Variants in ORC5 observed in about 807,000 individuals in gnomAD.
The protein encoded by ORC5 is protein phosphatase 1, regulatory subunit 117.
Under a neutral mutation model 58.8 loss-of-function variants are expected in ORC5, and 39 were observed. The ratio of observed to expected loss-of-function variants is 0.66; its 90% CI spans 0.51 to 0.87. The LOEUF (loss-of-function observed/expected upper bound fraction) is 0.87, where lower values mean the gene tolerates loss of function less well. Among genes scored for constraint, ORC5 ranks in the 40% least tolerant of loss-of-function variants. ORC5 has a pLI of 0.00. For synonymous variants in ORC5, 218 were observed against 177.6 expected (o/e 1.23, Z -1.81); for missense variants, 493 against 506.3 (o/e 0.97, Z 0.25).
At position 104,207,989 on chromosome 7, in the gene ORC5, C is replaced by T; in HGVS notation, c.-85G>A. On this transcript the variant is annotated 5_prime_UTR_variant, in exon 1 of 14. Coordinates refer to ENST00000297431, the MANE Select transcript of ORC5 (RefSeq NM_002553.4). ...GGAGCCTCTCCCGAGTCTGGCGGCC[C>T]ACGCTCCCGCCGGAAACCGGACCCG... is the stretch of plus-strand genomic sequence containing the variant. The T allele has an allele frequency of 1.5e-6, 2 of 1,329,510 alleles. No homozygotes were observed. The highest frequency in any genetic ancestry group is 3.6e-5 in the Admixed American group (2 of 54,866). The allele number at this position is 1,329,510 out of a possible 1,614,324, so 82.4% of individuals were successfully genotyped here. A position where few individuals can be genotyped will look rare whatever the true frequency, so the allele number is the denominator to read the frequency against.
At chr7:104,127,239 T>C (rs778865979) in intron 13 of ORC5, among the ~76,000 whole-genome samples, 11 of 152,224 alleles carry the variant, frequency 7.2e-5, no homozygotes, top group Non-Finnish European at 1.2e-4. Flanking sequence ...TAATTAGAGA[T>C]TCAAAAGTAT....
At chr7:104,203,725 G>A (rs181836602) in intron 2 of ORC5, among the ~76,000 whole-genome samples, 82 of 152,262 alleles carry the variant, frequency 5.4e-4, no homozygotes, top group Admixed American at 4.6e-3. Flanking sequence ...TACAATGGGC[G>A]AATTACTTGA....
intron 12 of ORC5, among the ~76,000 whole-genome samples, chr7:104,154,694 G>GA (rs1051715026): frequency 1.3e-5 from 2 of 150,818 alleles, no homozygotes; most frequent in Non-Finnish European, 3.0e-5. Flanking sequence ...TCCAACCATG[G>GA]AAAAAAAATA....
At chr7:104,203,163 A>G (rs1401992235) in intron 2 of ORC5, among the ~76,000 whole-genome samples, 4 of 152,172 alleles carry the variant, frequency 2.6e-5, no homozygotes, top group African/African-American at 9.7e-5. Flanking sequence ...ATGGCTTGAA[A>G]GTAAGACAGC....
At chr7:104,188,185 CAT>C in intron 6 of ORC5, 64 bp downstream of exon 6, 1 of 1,098,436 alleles carries the variant, frequency 9.1e-7, no homozygotes, top group Non-Finnish European at 1.3e-6. Flanking sequence ...CATATATACA[CAT>C]ATATGTATAC....
At chr7:104,127,482 C>CAG (rs968223946) in intron 13 of ORC5, among the ~76,000 whole-genome samples, 4 of 152,052 alleles carry the variant, frequency 2.6e-5, no homozygotes, top group Non-Finnish European at 4.4e-5. Flanking sequence ...AATAAAATAG[C>CAG]AGAGAGAGAG....
At position 104,193,263 on chromosome 7, in the gene ORC5, C is replaced by T. The variant is rs558945655; in HGVS notation, c.553+1880G>A. On this transcript the variant is annotated intron_variant, in intron 5 of 13. Transcript: ENST00000297431. The stretch of plus-strand genomic sequence containing the variant: ...AGGTTTTATAATTAATATAGTATTA[C>T]ATGGTTTATAATAAATATAGAAGTA... Among the ~76,000 whole-genome samples the T allele has an allele frequency of 6.6e-4, 101 of 152,060 alleles. 1 individual carries two copies. In the South Asian group the frequency reaches 0.02, roughly 30 times the overall value.
chr7:104,189,698 G>T (rs1799630756), intron 5 of ORC5, among the ~76,000 whole-genome samples: 1 of 151,984 alleles, frequency 6.6e-6, no homozygotes, highest in Non-Finnish European at 1.5e-5. Context: ...AGCCCCACAG[G>T]GACAGAAGCT....
chr7:104,162,724 A>T (rs377588139), intron 11 of ORC5, among the ~76,000 whole-genome samples: 267 of 152,332 alleles, frequency 1.8e-3, no homozygotes, highest in African/African-American at 6.0e-3. Context: ...CAATTTTATC[A>T]AATATACTGT....
chr7:104,205,730 G>T (rs764202331), intron 1 of ORC5, among the ~76,000 whole-genome samples: 8 of 152,212 alleles, frequency 5.3e-5, no homozygotes, highest in Non-Finnish European at 1.0e-4. Context: ...CAAAAATTCT[G>T]TCTCAGCAGG....
chr7:104,207,943 C>G lies in ORC5; in HGVS notation c.-39G>C. On this transcript the variant is annotated 5_prime_UTR_variant, in exon 1 of 14. Transcript: ENST00000297431. Reference sequence around the variant, plus strand: ...ACCGCAGAGGCCAGTGCAGCCAGCCCACAGGACCCTTGCACAAGACGGAGC... The same window carrying G: ...ACCGCAGAGGCCAGTGCAGCCAGCCGACAGGACCCTTGCACAAGACGGAGC... 6.3e-7 allele frequency: 1 copy of G among 1,588,208 alleles called. No homozygotes were observed. Among genetic ancestry groups the G allele is most frequent in the Non-Finnish European group, 8.6e-7 (1 of 1,156,668 alleles).
chr7:104,147,577 T>C (rs1798777008), intron 12 of ORC5, among the ~76,000 whole-genome samples: 1 of 152,256 alleles, frequency 6.6e-6, no homozygotes, highest in South Asian at 2.1e-4. Flanking sequence ...TAATAGATGA[T>C]GAAAGAGACA....
rs865992341 is a variant in ORC5 at position 104,138,671 on chromosome 7, C to A, written c.1150-1778G>T. On this transcript the variant is annotated intron_variant, in intron 12 of 13. Coordinates refer to ENST00000297431, the MANE Select transcript of ORC5 (RefSeq NM_002553.4). The surrounding 1 kb of genome is among the most constrained non-coding windows in gnomAD (Gnocchi z 4.7). ...TACTATAGGCACATGCCACCACACC[C>A]AGCTAATTTTTTGTATTTTTTGTAG... 6.6e-6 allele frequency among the ~76,000 whole-genome samples: 1 copy of A among 152,092 alleles called. No homozygotes were observed. The highest frequency in any genetic ancestry group is 1.5e-5 in the Non-Finnish European group (1 of 68,030).
chr7:104,197,414 A>C (rs1799826006), intron 4 of ORC5, among the ~76,000 whole-genome samples: 1 of 152,228 alleles, frequency 6.6e-6, no homozygotes, highest in Non-Finnish European at 1.5e-5. Flanking sequence ...AATGCAAAGA[A>C]AATTTTAAAA....
At chr7:104,179,298 C>T (rs976854511) in intron 8 of ORC5, among the ~76,000 whole-genome samples, 1 of 151,426 alleles carries the variant, frequency 6.6e-6, no homozygotes, top group Non-Finnish European at 1.5e-5. Flanking sequence ...AATAGTTTGT[C>T]CTAAATGTAG....
At chr7:104,203,355 G>A (rs1340723132) in intron 2 of ORC5, among the ~76,000 whole-genome samples, 2 of 152,178 alleles carry the variant, frequency 1.3e-5, no homozygotes, top group East Asian at 3.9e-4. Context: ...ATACAGTAGA[G>A]TCAAGCAGGT....
In ORC5 at chr7:104,192,703, A is replaced by C. The variant is rs111837844; in HGVS notation, c.553+2440T>G. 5.3e-3 allele frequency among the ~76,000 whole-genome samples: 807 copies of C among 152,238 alleles called. 8 individuals are homozygous for C. The highest frequency in any genetic ancestry group is 0.018 in the African/African-American group (753 of 41,556). ...TGGAGAAAAATTACTCGGTGGGAAC[A>C]AACCCAAAACAAAAGAGGTAACTGA... On this transcript the variant is annotated intron_variant, in intron 5 of 13. Coordinates refer to ENST00000297431, the MANE Select transcript of ORC5 (RefSeq NM_002553.4).
rs145267296 is a variant in ORC5, at chr7:104,197,782, C to T, written c.384G>A (p.Glu128=). The stretch of plus-strand genomic sequence containing the variant: ...GATTTGCTTCCATATCTCTTAGATA[C>T]TCTGCTTTATCTAGAACCTTTAAAA... ...QTVYIVLDKA[E]YLRDMEANLL... Residue 128 remains glutamate (E), a synonymous_variant, in exon 4 of 14, where the codon GAG becomes GAA. Transcript: ENST00000297431. 486 of 1,588,314 alleles carry T rather than the reference C, an allele frequency of 3.1e-4. No homozygotes were observed. Among genetic ancestry groups the T allele is most frequent in the Non-Finnish European group, 3.9e-4 (451 of 1,167,758 alleles).
At chr7:104,159,996 T>C (rs943989298) in intron 12 of ORC5, among the ~76,000 whole-genome samples, 1 of 152,174 alleles carries the variant, frequency 6.6e-6, no homozygotes, top group Non-Finnish European at 1.5e-5. Flanking sequence ...TAAAACTGAA[T>C]TACTTTTTTA....
Sources: gnomAD v4.1 joint callset for allele counts (sites outside exome capture counted in the v4.1 genomes callset) on GRCh38, gnomAD v4.1.1 for gene constraint, Gnocchi (gnomAD v3.1) non-coding constraint, MANE v1.5 for transcripts, NCBI Gene and HGNC (gene_info 2026-07-23, HGNC 2026-07-21) for gene names.